The following FSIP1 variants were observed in gnomAD, a reference collection of about 807,000 sequenced individuals.
The protein encoded by FSIP1 is fibrous sheath-interacting protein 1.
A neutral mutation model predicts 60.9 loss-of-function variants in FSIP1; 65 were observed. The ratio of observed to expected loss-of-function variants is 1.07; its 90% CI spans 0.87 to 1.31. The LOEUF is 1.31. FSIP1 is among the 40% of genes most tolerant of loss of function. The pLI is 0.00. For missense variants in FSIP1, 675 were observed against 665.5 expected, an observed-to-expected ratio of 1.01 and a Z score of -0.16; for synonymous variants, 209 against 221.2, an observed-to-expected ratio of 0.94 and a Z score of 0.49.
At chr15:39,678,396 C>A (rs1182099548) in intron 10 of FSIP1, among the ~76,000 whole-genome samples, 1 of 151,966 alleles carries the variant, frequency 6.6e-6, no homozygotes, top group Non-Finnish European at 1.5e-5. Context: ...GGAAAATACA[C>A]AAATATGGTT....
At chr15:39,746,492 A>G (rs991264004) in intron 5 of FSIP1, among the ~76,000 whole-genome samples, 2 of 152,218 alleles carry the variant, frequency 1.3e-5, no homozygotes, top group Non-Finnish European at 2.9e-5. Context: ...TGAAGATCAC[A>G]ATTTTAAAAG....
rs146065980 is a variant in FSIP1, at chr15:39,645,660, C to T, written c.1189-27415G>A. ...CTTCCGAGTTGGCCAGGCCGGAGCT[C>T]CTGGCTGCAGCTGCTGCTGCCCTCC... On this transcript the variant is annotated intron_variant, in intron 10 of 11. Coordinates refer to ENST00000350221, the MANE Select transcript of FSIP1 (RefSeq NM_152597.5). 3.8e-3 allele frequency among the ~76,000 whole-genome samples: 578 copies of T among 152,330 alleles called. 4 individuals are homozygous for T. The highest frequency in any genetic ancestry group is 0.013 in the African/African-American group (537 of 41,586).
intron 10 of FSIP1, among the ~76,000 whole-genome samples, chr15:39,624,898 G>T (rs891330584): frequency 1.3e-5 from 2 of 152,228 alleles, no homozygotes. Context: ...TGAGGGTTGA[G>T]GCAAGGCTGT....
rs1180939295 is a variant in FSIP1 at position 39,617,731 on chromosome 15, T to C, written c.1699+4A>G. 1.2e-6 allele frequency: 2 copies of C among 1,605,028 alleles called. No individual in the cohort carries two copies. The highest frequency in any genetic ancestry group is 1.1e-5 in the South Asian group (1 of 90,086). The stretch of plus-strand genomic sequence containing the variant: ...TACCAAAACACATGTTCGCCAAGCC[T>C]CACCTGCTATTGTATTCTCTGGAGA... On this transcript the variant is annotated splice_donor_region_variant and intron_variant, in intron 11 of 11. Coordinates refer to ENST00000350221, the MANE Select transcript of FSIP1 (RefSeq NM_152597.5).
At chr15:39,675,830 C>G (rs1893915016) in intron 10 of FSIP1, among the ~76,000 whole-genome samples, 1 of 151,962 alleles carries the variant, frequency 6.6e-6, no homozygotes, top group Non-Finnish European at 1.5e-5. Flanking sequence ...TAGATAAAAC[C>G]ACAACTGTAC....
chr15:39,765,393 A>AG (rs2140706986), intron 4 of FSIP1, among the ~76,000 whole-genome samples, 199 bp downstream of exon 4: 1 of 151,936 alleles, frequency 6.6e-6, no homozygotes, highest in African/African-American at 2.4e-5. Flanking sequence ...AGCACGTACT[A>AG]CCATGCCTGG....
chr15:39,734,857 A>T (rs1896548174), intron 8 of FSIP1, among the ~76,000 whole-genome samples: 1 of 152,162 alleles, frequency 6.6e-6, no homozygotes, highest in Non-Finnish European at 1.5e-5. Flanking sequence ...AAAGACACAA[A>T]AGCAACAGCA....
At chr15:39,650,793 C>T (rs1281685099) in intron 10 of FSIP1, among the ~76,000 whole-genome samples, 1 of 152,180 alleles carries the variant, frequency 6.6e-6, no homozygotes, top group Non-Finnish European at 1.5e-5. Flanking sequence ...CAGATATCAC[C>T]CCCAGAACAT....
intron 9 of FSIP1, among the ~76,000 whole-genome samples, chr15:39,714,781 C>T (rs1895669464): frequency 6.6e-6 from 1 of 151,022 alleles, no homozygotes; most frequent in Non-Finnish European, 1.5e-5. Flanking sequence ...CCAGCCTGGG[C>T]AACACAGTGA....
intron 10 of FSIP1, among the ~76,000 whole-genome samples, chr15:39,670,261 A>C (rs1031746426): frequency 6.6e-6 from 1 of 152,218 alleles, no homozygotes; most frequent in Non-Finnish European, 1.5e-5. Context: ...TTTAGTGAGC[A>C]CCAACTATGT....
intron 10 of FSIP1, among the ~76,000 whole-genome samples, chr15:39,699,930 G>A (rs936206982): frequency 1.3e-5 from 2 of 152,160 alleles, no homozygotes; most frequent in Non-Finnish European, 2.9e-5. Flanking sequence ...GCTGAGAATG[G>A]GAGAGCTGCA....
intron 3 of FSIP1, among the ~76,000 whole-genome samples, chr15:39,767,538 T>G (rs957578692): frequency 2.6e-5 from 4 of 152,196 alleles, no homozygotes; most frequent in African/African-American, 9.7e-5. Flanking sequence ...ACTCCTATTT[T>G]CATGCCCAAA....
intron 6 of FSIP1, 120 bp from the exon 7 acceptor site, chr15:39,739,909 T>C: frequency 3.5e-6 from 2 of 567,242 alleles, no homozygotes; most frequent in Non-Finnish European, 5.8e-6. Flanking sequence ...AACTAACTTC[T>C]ACATTCCAGA....
chr15:39,781,519 A>G (rs1335186199), intron 1 of FSIP1, among the ~76,000 whole-genome samples: 1 of 152,246 alleles, frequency 6.6e-6, no homozygotes, highest in Admixed American at 6.5e-5. Flanking sequence ...GTACATGAAT[A>G]TTTATACCAG....
intron 10 of FSIP1, among the ~76,000 whole-genome samples, chr15:39,692,965 A>C (rs983170997): frequency 6.6e-6 from 1 of 152,216 alleles, no homozygotes; most frequent in African/African-American, 2.4e-5. Flanking sequence ...GCTGAGTTGC[A>C]TGCCCTCCGC....
intron 5 of FSIP1, among the ~76,000 whole-genome samples, chr15:39,757,184 G>C (rs1012299668): frequency 1.3e-5 from 2 of 152,006 alleles, no homozygotes; most frequent in Non-Finnish European, 2.9e-5. Flanking sequence ...ATCTTATTTA[G>C]AAATGTATGG....
chr15:39,608,862 T>C (rs906386963), intron 11 of FSIP1, among the ~76,000 whole-genome samples: 1 of 152,026 alleles, frequency 6.6e-6, no homozygotes, highest in Admixed American at 6.5e-5. Context: ...TTGGACCACA[T>C]AACTGAAAAA....
At chr15:39,771,564 G>A (rs1471062011) in intron 2 of FSIP1, among the ~76,000 whole-genome samples, 1 of 152,162 alleles carries the variant, frequency 6.6e-6, no homozygotes, top group East Asian at 1.9e-4. Context: ...GAACTGAGCT[G>A]ACTCAGTGGT....
At chr15:39,712,020 G>C (rs944706617) in intron 10 of FSIP1, among the ~76,000 whole-genome samples, 1 of 151,992 alleles carries the variant, frequency 6.6e-6, no homozygotes, top group Non-Finnish European at 1.5e-5. Flanking sequence ...CCCATCAACA[G>C]AATCAGAGAA....
Sources: gnomAD v4.1 joint callset for allele counts (sites outside exome capture counted in the v4.1 genomes callset) on GRCh38, gnomAD v4.1.1 for gene constraint, MANE v1.5 for transcripts, NCBI Gene and HGNC (gene_info 2026-07-23, HGNC 2026-07-21) for gene names.